FANCB: variants seen among roughly 807,000 people sequenced by gnomAD.
The protein encoded by FANCB is Fanconi anemia group B protein.
FANCB carries 5 observed loss-of-function variants against 38.9 expected under a neutral mutation model. That is an observed-to-expected ratio of 0.13 (90% CI 0.07 to 0.27). FANCB has a LOEUF of 0.27. Ranked by LOEUF, FANCB falls within the 10% of genes least tolerant of loss-of-function variation. The pLI is 1.00. For synonymous variants in FANCB, 236 were observed against 215.4 expected, an observed-to-expected ratio of 1.10 and a Z score of -0.84; for missense variants, 573 against 602.7, an observed-to-expected ratio of 0.95 and a Z score of 0.52.
intron 3 of FANCB, among the ~76,000 whole-genome samples, chrX:14,862,929 T>C (rs892254207): frequency 8.9e-6 from 1 of 112,069 alleles, no homozygotes; most frequent in African/African-American, 3.2e-5. Flanking sequence ...CAGATGTTTT[T>C]CCCCTACCAT....
chrX:14,856,344 T>C lies in FANCB; in HGVS notation c.1197+1518A>G, dbSNP rs1294750991. 8.0e-5 allele frequency among the ~76,000 whole-genome samples: 9 copies of C among 112,119 alleles called. No homozygotes were observed. The Admixed American group carries it at 8.5e-4, about 11-fold the overall frequency. ...TAACTTTTCCTCTGAGAAGGTTGGG[T>C]CACTCACTATACATTCACAAAAATA... On this transcript the variant is annotated intron_variant, in intron 5 of 9. Transcript: ENST00000650831.
chrX:14,719,434 C>T, the FANCB span, among the ~76,000 whole-genome samples: 1 of 111,564 alleles, frequency 9.0e-6, no homozygotes, highest in Non-Finnish European at 1.9e-5. Context: ...TACAAATGAC[C>T]AACAGGTATA....
At chrX:14,710,255 C>G in the FANCB span, among the ~76,000 whole-genome samples, 2 of 112,177 alleles carry the variant, frequency 1.8e-5, no homozygotes, top group African/African-American at 6.5e-5. Context: ...CCACTGCAAA[C>G]AGCATTGACT....
chrX:14,834,262 T>C (rs764893964), downstream of FANCB, among the ~76,000 whole-genome samples: 2 of 111,522 alleles, frequency 1.8e-5, no homozygotes, highest in East Asian at 2.8e-4. Flanking sequence ...ATTCCATACA[T>C]ACTTAAAACA....
chrX:14,852,781 G>T (rs1301904027), intron 6 of FANCB, among the ~76,000 whole-genome samples: 1 of 111,221 alleles, frequency 9.0e-6, no homozygotes, highest in East Asian at 2.8e-4. Context: ...TAAACAAAAG[G>T]ACTTGTTCCC....
chrX:14,719,412 CA>C, the FANCB span, among the ~76,000 whole-genome samples: 1 of 111,824 alleles, frequency 8.9e-6, no homozygotes, highest in Non-Finnish European at 1.9e-5. Flanking sequence ...AGACATTTCT[CA>C]AAAGAAGACA....
At chrX:14,798,771 T>C in the FANCB span, among the ~76,000 whole-genome samples, 7 of 111,982 alleles carry the variant, frequency 6.3e-5, no homozygotes, top group African/African-American at 2.3e-4. Context: ...GGCTAGGCTA[T>C]AGTAACCAGT....
At chrX:14,709,580 A>T in the FANCB span, among the ~76,000 whole-genome samples, 1 of 112,490 alleles carries the variant, frequency 8.9e-6, no homozygotes, top group Admixed American at 9.4e-5. Context: ...GTTGCGTATA[A>T]GAAGCTATAA....
the FANCB span, among the ~76,000 whole-genome samples, chrX:14,805,631 A>G: frequency 1.8e-5 from 2 of 112,190 alleles, no homozygotes; most frequent in Admixed American, 1.9e-4. Flanking sequence ...GCCTCAGCAC[A>G]GGCATTTTGT....
the FANCB span, among the ~76,000 whole-genome samples, chrX:14,815,478 C>T: frequency 2.7e-5 from 3 of 111,797 alleles, no homozygotes; most frequent in Non-Finnish European, 5.6e-5. Flanking sequence ...ATTAAAACCA[C>T]CAGCCAGAAT....
chrX:14,817,719 A>T, the FANCB span, among the ~76,000 whole-genome samples: 1 of 111,750 alleles, frequency 8.9e-6, no homozygotes, highest in Non-Finnish European at 1.9e-5. Flanking sequence ...TGTTCCATTT[A>T]AAAAAAATTC....
the FANCB span, among the ~76,000 whole-genome samples, chrX:14,763,558 A>G: frequency 8.9e-6 from 1 of 112,083 alleles, no homozygotes; most frequent in Non-Finnish European, 1.9e-5. Context: ...GGAAGCTTAT[A>G]ACTCTGCTTC....
the FANCB span, among the ~76,000 whole-genome samples, chrX:14,768,064 T>C: frequency 8.9e-6 from 1 of 111,995 alleles, no homozygotes; most frequent in Non-Finnish European, 1.9e-5. Context: ...ACCAGTACCA[T>C]GCTGTTTTGG....
At chrX:14,715,782 G>C in the FANCB span, among the ~76,000 whole-genome samples, 1 of 111,612 alleles carries the variant, frequency 9.0e-6, no homozygotes, top group African/African-American at 3.3e-5. Flanking sequence ...GGACATGGGG[G>C]TCCTTGAATG....
At chrX:14,859,672 T>A (rs1196204459) in intron 3 of FANCB, among the ~76,000 whole-genome samples, 2 of 111,918 alleles carry the variant, frequency 1.8e-5, no homozygotes, top group Admixed American at 9.5e-5. Flanking sequence ...ATTCTAACAT[T>A]TATCATGAGT....
intron 5 of FANCB, among the ~76,000 whole-genome samples, chrX:14,857,052 C>T (rs1444957110): frequency 9.0e-6 from 1 of 111,602 alleles, no homozygotes; most frequent in Non-Finnish European, 1.9e-5. Context: ...TGAAATATAA[C>T]ATGTGCAACT....
At chrX:14,832,651 T>C (rs2092330296), downstream of FANCB, among the ~76,000 whole-genome samples, 1 of 111,848 alleles carries the variant, frequency 8.9e-6, no homozygotes, top group Non-Finnish European at 1.9e-5. Context: ...TGTGAATGAA[T>C]GTGGGGCAGT....
chrX:14,855,083 C>T (rs147960169), intron 5 of FANCB, among the ~76,000 whole-genome samples: 334 of 111,673 alleles, frequency 3.0e-3, no homozygotes, highest in African/African-American at 0.01. Context: ...CTTCTCCACT[C>T]TCCAATTGAT....
rs1247411030 is a variant in FANCB at position 14,873,053 on chromosome X, C to G, written c.-259G>C. On this transcript the variant is annotated 5_prime_UTR_variant, in exon 1 of 10. Coordinates refer to ENST00000650831, the MANE Select transcript of FANCB (RefSeq NM_001018113.3). ...GTATCCATCTGCTCCAAACCTCCCG[C>G]CAGCGCGCTGCATCCTGGGAGGCCG... 6.2e-6 allele frequency: 1 copy of G among 160,674 alleles called. No homozygotes were observed. The highest frequency in any genetic ancestry group is 3.1e-5 in the African/African-American group (1 of 32,402). The allele number at this position is 160,674 out of a possible 1,213,427, so 13.2% of individuals were successfully genotyped here.
Sources: allele counts gnomAD v4.1 joint callset (sites outside exome capture counted in the v4.1 genomes callset), GRCh38; gene constraint gnomAD v4.1.1; transcripts MANE v1.5; gene names NCBI Gene and HGNC (gene_info 2026-07-23, HGNC 2026-07-21).